The following LYRM4 variants were observed in gnomAD, a reference collection of about 807,000 sequenced individuals.
LYRM4 encodes LYR motif-containing protein 4.
In LYRM4, 9 loss-of-function variants were observed where a neutral mutation model predicts 11.7. The observed-to-expected ratio is 0.77, with a 90% CI of 0.46 to 1.34. The LOEUF is 1.34. Ranked by LOEUF, LYRM4 falls within the 40% of genes most tolerant of loss-of-function variation. LYRM4 has a pLI of 0.00. For synonymous variants in LYRM4, 42 were observed against 40.4 expected (o/e 1.04, Z -0.15); for missense variants, 133 against 112.5 (o/e 1.18, Z -0.82).
the LYRM4 span, among the ~76,000 whole-genome samples, chr6:5,057,967 G>C: frequency 6.6e-6 from 1 of 151,992 alleles, no homozygotes; most frequent in Non-Finnish European, 1.5e-5. Flanking sequence ...GCCCAGGCTG[G>C]TCTCGAAATT....
chr6:5,120,450 C>T (rs661578), intron 2 of LYRM4, among the ~76,000 whole-genome samples: 1 of 151,944 alleles, frequency 6.6e-6, no homozygotes, highest in Non-Finnish European at 1.5e-5. Context: ...AGACCTTTAC[C>T]GTGAGTGTTA....
rs1024508812 is a variant in LYRM4, at chr6:5,260,630, C to T, written c.86+18G>A. The T allele has an allele frequency of 2.3e-5, 35 of 1,531,410 alleles. No individual in the cohort carries two copies. The highest frequency in any genetic ancestry group is 1.5e-4 in the African/African-American group (11 of 72,568). 94.9% of individuals were successfully genotyped at this position (1,531,410 alleles called of 1,614,324 possible). On this transcript the variant is annotated intron_variant, in intron 1 of 2. Transcript: ENST00000330636. ...CCCCTGGCCCCCCGCCCCCGGCCCC[C>T]GGTGCCCGCTGGGTCACCTGTAATT...
intron 1 of LYRM4, among the ~76,000 whole-genome samples, chr6:5,225,634 C>G (rs970381652): frequency 2.0e-5 from 3 of 152,144 alleles, no homozygotes; most frequent in African/African-American, 4.8e-5. Flanking sequence ...TAGGTTGTCT[C>G]CAATTGTGCT....
chr6:5,070,343 T>C, the LYRM4 span, among the ~76,000 whole-genome samples: 1 of 152,142 alleles, frequency 6.6e-6, no homozygotes, highest in Admixed American at 6.5e-5. Flanking sequence ...TGAAGTGTGA[T>C]GGAGGGTGCA....
chr6:5,175,388 G>A (rs71555881), intron 2 of LYRM4, among the ~76,000 whole-genome samples: 1,549 of 152,238 alleles, frequency 0.01, 32 homozygotes, highest in African/African-American at 0.034. Context: ...CCCTCCACTG[G>A]CACTTCTACA....
rs555367710 is a variant in LYRM4, at chr6:5,253,666, G to A, written c.86+6982C>T. ...CTTGAAGATGAGGAGCCTAGTCGCC[G>A]GCCATTGGAAGTTGTCACCGACCAA... On this transcript the variant is annotated intron_variant, in intron 1 of 2. Coordinates refer to ENST00000330636, the MANE Select transcript of LYRM4 (RefSeq NM_020408.6). 1.9e-4 allele frequency among the ~76,000 whole-genome samples: 29 copies of A among 152,108 alleles called. No individual in the cohort carries two copies. The South Asian group carries it at 4.2e-3, about 22-fold the overall frequency.
intron 2 of LYRM4, among the ~76,000 whole-genome samples, chr6:5,204,016 T>C (rs938357758): frequency 1.3e-5 from 2 of 152,154 alleles, no homozygotes; most frequent in African/African-American, 2.4e-5. Flanking sequence ...CTCACAAACA[T>C]TGTCAGTCTC....
chr6:5,111,681 G>A (rs1762889071), intron 2 of LYRM4, among the ~76,000 whole-genome samples: 1 of 152,210 alleles, frequency 6.6e-6, no homozygotes, highest in Non-Finnish European at 1.5e-5. Context: ...GAATGACCCC[G>A]TGTTGATCCA....
intron 2 of LYRM4, among the ~76,000 whole-genome samples, chr6:5,176,567 G>A (rs74630194): frequency 0.018 from 2,708 of 152,274 alleles, 76 homozygotes; most frequent in African/African-American, 0.062. Context: ...AGGAACCAAT[G>A]GGAAGGAGGT....
At chr6:5,153,624 G>A (rs1259515436) in intron 2 of LYRM4, among the ~76,000 whole-genome samples, 1 of 152,176 alleles carries the variant, frequency 6.6e-6, no homozygotes, top group Non-Finnish European at 1.5e-5. Context: ...AATACACACG[G>A]ACACTCTTGG....
the LYRM4 span, among the ~76,000 whole-genome samples, chr6:5,059,746 T>C: frequency 6.6e-6 from 1 of 152,020 alleles, no homozygotes; most frequent in Non-Finnish European, 1.5e-5. Context: ...CCCCATTGCA[T>C]GGTGGGAGAA....
the LYRM4 span, among the ~76,000 whole-genome samples, chr6:5,068,688 G>A: frequency 2.0e-5 from 3 of 152,138 alleles, no homozygotes; most frequent in Non-Finnish European, 2.9e-5. The surrounding 1 kb of genome is among the most constrained non-coding windows in gnomAD (Gnocchi z 4.0). Context: ...AGAAAGCAGA[G>A]GAGGGGAGTC....
rs181020748 is a variant in LYRM4 at position 5,140,223 on chromosome 6, G to T, written c.208-30732C>A. On this transcript the variant is annotated intron_variant, in intron 2 of 2. Transcript: ENST00000330636. ...AGCCTGGGCAACAGAGCGAGACCCTGTCTCAAAAGAAAAAAAAACCTTTCA... is the reference window on the plus strand; with the variant it reads ...AGCCTGGGCAACAGAGCGAGACCCTTTCTCAAAAGAAAAAAAAACCTTTCA... Among the ~76,000 whole-genome samples the T allele has an allele frequency of 2.3e-3, 353 of 151,850 alleles. 8 individuals are homozygous for T. The East Asian group carries it at 0.041, about 17-fold the overall frequency.
chr6:5,203,273 C>T (rs1303533191), intron 2 of LYRM4, among the ~76,000 whole-genome samples: 1 of 152,168 alleles, frequency 6.6e-6, no homozygotes, highest in East Asian at 1.9e-4. Flanking sequence ...GTTGATCAGG[C>T]ACCATTCTAC....
At chr6:5,197,613 G>T (rs891472526) in intron 2 of LYRM4, among the ~76,000 whole-genome samples, 1 of 152,158 alleles carries the variant, frequency 6.6e-6, no homozygotes, top group Non-Finnish European at 1.5e-5. Context: ...GGCAGAGGTT[G>T]CAGTGAGCCG....
chr6:5,122,340 T>C (rs1317099722), intron 2 of LYRM4, among the ~76,000 whole-genome samples: 1 of 152,136 alleles, frequency 6.6e-6, no homozygotes, highest in African/African-American at 2.4e-5. Context: ...GTCACCACTC[T>C]GAGAGTTTCA....
At chr6:5,052,178 A>G in the LYRM4 span, among the ~76,000 whole-genome samples, 1 of 152,258 alleles carries the variant, frequency 6.6e-6, no homozygotes, top group African/African-American at 2.4e-5. Context: ...AAGCTATATG[A>G]AAAATAAAGA....
chr6:5,095,616 C>A, the LYRM4 span, among the ~76,000 whole-genome samples: 1 of 152,278 alleles, frequency 6.6e-6, no homozygotes, highest in South Asian at 2.1e-4. Context: ...AACCTTTAGG[C>A]CACACTTAAA....
chr6:5,258,250 G>T (rs1374472291), intron 1 of LYRM4, among the ~76,000 whole-genome samples: 2 of 152,166 alleles, frequency 1.3e-5, no homozygotes, highest in Non-Finnish European at 2.9e-5. Context: ...GAGTTCCAAA[G>T]TATTTATTTC....
Sources: allele counts gnomAD v4.1 joint callset (sites outside exome capture counted in the v4.1 genomes callset), GRCh38; gene constraint gnomAD v4.1.1; non-coding constraint Gnocchi (gnomAD v3.1); transcripts MANE v1.5; gene names NCBI Gene and HGNC (gene_info 2026-07-23, HGNC 2026-07-21).